The following PTPN2 variants were observed in gnomAD, a reference collection of about 807,000 sequenced individuals.
PTPN2 encodes the protein protein tyrosine phosphatase non-receptor type 2, also known as tyrosine-protein phosphatase non-receptor type 2.
PTPN2 carries 19 observed loss-of-function variants against 57.3 expected under a neutral mutation model. The observed-to-expected ratio is 0.33, with a 90% CI of 0.23 to 0.49. The LOEUF (loss-of-function observed/expected upper bound fraction) is 0.49. Among genes scored for constraint, PTPN2 ranks in the 20% least tolerant of loss-of-function variants. The pLI is 0.99. For synonymous variants in PTPN2, 153 were observed against 164.9 expected (o/e 0.93, Z 0.55); for missense variants, 358 against 501.1 (o/e 0.71, Z 2.73).
At chr18:12,815,336 C>T (rs1421035847) in intron 6 of PTPN2, among the ~76,000 whole-genome samples, 1 of 151,670 alleles carries the variant, frequency 6.6e-6, no homozygotes, top group African/African-American at 2.4e-5. Context: ...CTCTTGAACC[C>T]GGGAGGCGGA....
chr18:12,867,449 T>A (rs1420025338), intron 1 of PTPN2, among the ~76,000 whole-genome samples: 1 of 152,232 alleles, frequency 6.6e-6, no homozygotes, highest in Non-Finnish European at 1.5e-5. Flanking sequence ...TCAGTACTTT[T>A]TTTTTTGTCC....
At chr18:12,825,761 C>A (rs757853662) in intron 5 of PTPN2, 49 bp downstream of exon 5, 4 of 1,528,188 alleles carry the variant, frequency 2.6e-6, no homozygotes, top group Middle Eastern at 2.4e-4. Context: ...AAGAATAATT[C>A]TTTAAACCAT....
chr18:12,865,543 G>T (rs1164108180), intron 1 of PTPN2, among the ~76,000 whole-genome samples: 1 of 151,870 alleles, frequency 6.6e-6, no homozygotes, highest in East Asian at 1.9e-4. Flanking sequence ...AAGAGTTTGA[G>T]ACCAGCCTGG....
At chr18:12,785,919 A>G in intron 9 of PTPN2, 1 of 1,240,614 alleles carries the variant, frequency 8.1e-7, no homozygotes, top group East Asian at 2.3e-5. Context: ...ATGCACACAA[A>G]CATAAAAGGA....
chr18:12,856,288 T>C (rs1323118155), intron 2 of PTPN2, among the ~76,000 whole-genome samples: 1 of 152,144 alleles, frequency 6.6e-6, no homozygotes, highest in African/African-American at 2.4e-5. Flanking sequence ...ATCATTTCCA[T>C]TTGCAGGCTG....
chr18:12,827,412 G>A (rs943263272), intron 4 of PTPN2, among the ~76,000 whole-genome samples: 24 of 146,462 alleles, frequency 1.6e-4, no homozygotes, highest in Non-Finnish European at 2.4e-4. Flanking sequence ...TTTTTTTTAA[G>A]AGACAGTGTC....
chr18:12,849,825 A>C (rs932057380), intron 2 of PTPN2, among the ~76,000 whole-genome samples: 3 of 151,906 alleles, frequency 2.0e-5, no homozygotes, highest in Non-Finnish European at 4.4e-5. Context: ...CTTCTGCTTG[A>C]GTCAGTTTTG....
intron 1 of PTPN2, among the ~76,000 whole-genome samples, chr18:12,882,569 C>A (rs187050685): frequency 2.6e-4 from 40 of 152,296 alleles, no homozygotes; most frequent in African/African-American, 8.2e-4. Context: ...GCAGCCTCTG[C>A]TAAAACAAAT....
intron 8 of PTPN2, among the ~76,000 whole-genome samples, chr18:12,800,161 C>T (rs2041361595): frequency 6.6e-6 from 1 of 152,096 alleles, no homozygotes; most frequent in Admixed American, 6.6e-5. Flanking sequence ...CTCTATAACT[C>T]CTTAGAGTTA....
chr18:12,818,659 GT>G (rs762467729), intron 5 of PTPN2, among the ~76,000 whole-genome samples: 91 of 143,584 alleles, frequency 6.3e-4, no homozygotes, highest in South Asian at 8.8e-4. Flanking sequence ...ATTGTAGGAG[GT>G]TTTTTTTTTT....
intron 1 of PTPN2, chr18:12,880,582 T>C (rs2044636316): frequency 6.6e-6 from 1 of 152,550 alleles, no homozygotes; most frequent in Non-Finnish European, 1.5e-5. Context: ...CTGCTCAATG[T>C]CATGGCCCTC....
chr18:12,831,390 C>T (rs1374115773), intron 3 of PTPN2, among the ~76,000 whole-genome samples: 1 of 152,202 alleles, frequency 6.6e-6, no homozygotes, highest in Non-Finnish European at 1.5e-5. Flanking sequence ...ACCTGGGATG[C>T]TGCTCTTGAT....
chr18:12,829,537 C>T (rs1219200316), intron 4 of PTPN2, among the ~76,000 whole-genome samples: 2 of 150,960 alleles, frequency 1.3e-5, no homozygotes, highest in African/African-American at 4.9e-5. Flanking sequence ...GACTCAGGAC[C>T]CAACCTAAAG....
At chr18:12,831,721 A>C (rs1278100984) in intron 3 of PTPN2, among the ~76,000 whole-genome samples, 2 of 152,250 alleles carry the variant, frequency 1.3e-5, no homozygotes, top group East Asian at 3.8e-4. Flanking sequence ...AACCACAATG[A>C]AACTGTTAAT....
intron 1 of PTPN2, among the ~76,000 whole-genome samples, chr18:12,874,308 T>G (rs1598895566): frequency 2.8e-5 from 3 of 105,768 alleles, no homozygotes; most frequent in Admixed American, 1.1e-4. Context: ...GGTGGGGGGG[T>G]CAGCCCCCCG....
At chr18:12,848,530 CTAAG>C (rs2043287912) in intron 2 of PTPN2, among the ~76,000 whole-genome samples, 1 of 152,256 alleles carries the variant, frequency 6.6e-6, no homozygotes, top group Non-Finnish European at 1.5e-5. Flanking sequence ...GCCTTGCTCT[CTAAG>C]AATGCTCACT....
intron 2 of PTPN2, among the ~76,000 whole-genome samples, chr18:12,842,299 T>C (rs759456364): frequency 6.6e-5 from 10 of 152,166 alleles, no homozygotes; most frequent in Non-Finnish European, 1.3e-4. Flanking sequence ...GGGGAAAAGA[T>C]TTAACTTTCA....
chr18:12,811,002 G>A lies in PTPN2; in HGVS notation c.858+3201C>T, dbSNP rs115253831. 4.5e-3 allele frequency among the ~76,000 whole-genome samples: 680 copies of A among 152,250 alleles called. 3 individuals are homozygous for A. Among genetic ancestry groups the A allele is most frequent in the African/African-American group, 0.011 (439 of 41,530 alleles). ...CTCAATCCAAATCTTTTATAGTGAA[G>A]ACATGGAGTACTTGCTACTCTCCAT... is the stretch of plus-strand genomic sequence containing the variant. On this transcript the variant is annotated intron_variant, in intron 7 of 8. Coordinates refer to ENST00000309660, the MANE Select transcript of PTPN2 (RefSeq NM_002828.4).
chr18:12,836,733 A>G (rs2042878567), intron 3 of PTPN2, 58 bp downstream of exon 3: 1 of 1,095,856 alleles, frequency 9.1e-7, no homozygotes, highest in Admixed American at 2.1e-5. Context: ...TATGATTTAA[A>G]GCAGAACAAG....
Sources: allele counts gnomAD v4.1 joint callset (sites outside exome capture counted in the v4.1 genomes callset), GRCh38; gene constraint gnomAD v4.1.1; transcripts MANE v1.5; gene names NCBI Gene and HGNC (gene_info 2026-07-23, HGNC 2026-07-21).